The following C2CD5 variants were observed in gnomAD, a reference collection of about 807,000 sequenced individuals.
C2CD5 encodes C2 calcium dependent domain containing 5, also known as C2 domain-containing protein 5.
In C2CD5, 109 loss-of-function variants were observed where a neutral mutation model predicts 130.3. The observed-to-expected ratio is 0.84, with a 90% CI of 0.72 to 0.98. The LOEUF is 0.98. Ranked by LOEUF, C2CD5 falls within the 50% of genes least tolerant of loss-of-function variation. The probability of loss-of-function intolerance (pLI) is 0.00; values close to 1 mark genes in which losing one functional copy is unlikely to be tolerated. For missense variants in C2CD5, 996 were observed against 1,261.8 expected, an observed-to-expected ratio of 0.79 and a Z score of 3.19; for synonymous variants, 454 against 429.2, an observed-to-expected ratio of 1.06 and a Z score of -0.71.
chr12:22,501,057 TTTC>T (rs1379292839), intron 10 of C2CD5, among the ~76,000 whole-genome samples: 11 of 152,212 alleles, frequency 7.2e-5, no homozygotes, highest in Admixed American at 7.2e-4. Flanking sequence ...ATATCAAATT[TTTC>T]TTCAGAATTA....
intron 22 of C2CD5, chr12:22,460,381 G>A (rs1424941954): frequency 1.3e-5 from 2 of 152,040 alleles, no homozygotes; most frequent in African/African-American, 4.8e-5. Flanking sequence ...AGAATAATTC[G>A]GTTGGCTTAG....
rs567168872 is a variant in C2CD5, at chr12:22,544,174, G to C, written c.-24C>G. 6.2e-7 allele frequency: 1 copy of C among 1,610,280 alleles called. No individual in the cohort carries two copies. Among genetic ancestry groups the C allele is most frequent in the South Asian group, 1.1e-5 (1 of 91,000 alleles). On this transcript the variant is annotated 5_prime_UTR_variant, in exon 2 of 27. Transcript: ENST00000446597. Reference sequence around the variant, plus strand: ...ATGGTCTCGGTTTCGGCCTCTTCTTGGGCTCCTGCAGAAACAAACAAACGA... The same window carrying C: ...ATGGTCTCGGTTTCGGCCTCTTCTTCGGCTCCTGCAGAAACAAACAAACGA...
In C2CD5 at chr12:22,458,487, T is replaced by C; in HGVS notation, c.2683A>G (p.Thr895Ala). 1 of 1,249,012 alleles carries C rather than the reference T, an allele frequency of 8.0e-7. No homozygotes were observed. Among genetic ancestry groups the C allele is most frequent in the Non-Finnish European group, 1.0e-6 (1 of 987,878 alleles). The allele number at this position is 1,249,012 out of a possible 1,614,324, so 77.4% of individuals were successfully genotyped here. A position where few individuals can be genotyped will look rare whatever the true frequency, so the allele number is the denominator to read the frequency against. Residue 895 changes from threonine to alanine, a missense_variant, in exon 24 of 27, where the codon ACA becomes GCA. By Grantham distance (58) the Thr-to-Ala change is moderately conservative (BLOSUM62 0). This residue lies in a region of C2CD5 where 590 missense variants were observed against 631.4 expected (regional missense o/e 0.93). Transcript: ENST00000446597. Reference protein sequence around the residue: ...AQTIRRGSIKTTMTVEKASPV... With the variant: ...AQTIRRGSIKATMTVEKASPV... Reference sequence around the variant, plus strand: ...TGTGGTAGAAACATCCGCCTACTTGTCTTAATTGATCCACGCCTTATGGTC... The same window carrying C: ...TGTGGTAGAAACATCCGCCTACTTGCCTTAATTGATCCACGCCTTATGGTC...
chr12:22,530,105 TATATATAC>T lies in C2CD5; in HGVS notation c.178-2221_178-2214del, dbSNP rs1415747870. Among the ~76,000 whole-genome samples the T allele has an allele frequency of 1.1e-3, 131 of 114,546 alleles. 1 individual carries two copies. Among genetic ancestry groups the T allele is most frequent in the African/African-American group, 3.9e-3 (100 of 25,824 alleles). 75.1% of individuals were successfully genotyped at this position (114,546 alleles called of 152,430 possible). ...ATATATATATATATATATATATATA[TATATATAC>T]ACACACACACACACACACACACACA... On this transcript the variant is annotated intron_variant, in intron 3 of 26. Coordinates refer to ENST00000446597, the MANE Select transcript of C2CD5 (RefSeq NM_001286176.2).
Position 22,518,110 on chromosome 12 carries a change from G to A in C2CD5, c.828C>T (p.Pro276=), listed in dbSNP as rs746989518. ...TTGAGGGTCCTGATGAGTGAGTATTGGGATTGGGATCTTCATTGAAGGGAA... is the reference window on the plus strand; with the variant it reads ...TTGAGGGTCCTGATGAGTGAGTATTAGGATTGGGATCTTCATTGAAGGGAA... The part of the protein sequence containing the change: ...KEIPFNEDPN[P]NTHSSGPSTP... Residue 276 remains proline (P), a synonymous_variant, in exon 8 of 27, where the codon CCC becomes CCT. Transcript: ENST00000446597. The A allele has an allele frequency of 6.2e-7, 1 of 1,613,760 alleles. No homozygotes were observed. Among genetic ancestry groups the A allele is most frequent in the South Asian group, 1.1e-5 (1 of 91,074 alleles).
At chr12:22,508,634 A>C (rs1050946419) in intron 9 of C2CD5, among the ~76,000 whole-genome samples, 1 of 152,330 alleles carries the variant, frequency 6.6e-6, no homozygotes, top group African/African-American at 2.4e-5. Context: ...GTATTAAGAA[A>C]GAAGTTGGGA....
intron 10 of C2CD5, among the ~76,000 whole-genome samples, chr12:22,499,478 T>C (rs984883145): frequency 2.6e-5 from 4 of 152,194 alleles, no homozygotes; most frequent in African/African-American, 9.6e-5. Context: ...GAGGATTAAA[T>C]GGTCTACTAT....
chr12:22,475,434 T>TA (rs1339799217), intron 15 of C2CD5, among the ~76,000 whole-genome samples: 1 of 152,166 alleles, frequency 6.6e-6, no homozygotes, highest in Non-Finnish European at 1.5e-5. Flanking sequence ...CATTGGTACT[T>TA]ACAATAATGA....
chr12:22,535,393 T>A (rs1475437400), intron 2 of C2CD5, 49 bp from the exon 3 acceptor site: 3 of 996,988 alleles, frequency 3.0e-6, no homozygotes, highest in Non-Finnish European at 4.7e-6. Flanking sequence ...AAAATGTGAA[T>A]AAAAGTAAAT....
intron 10 of C2CD5, among the ~76,000 whole-genome samples, chr12:22,500,140 C>A (rs577137654): frequency 2.6e-5 from 4 of 151,928 alleles, no homozygotes; most frequent in Non-Finnish European, 4.4e-5. Context: ...GCTGAGATCA[C>A]GCCACTGAAC....
intron 19 of C2CD5, 62 bp from the exon 20 acceptor site, chr12:22,471,550 T>G (rs1288885419): frequency 2.2e-6 from 2 of 921,796 alleles, no homozygotes; most frequent in African/African-American, 1.7e-5. Flanking sequence ...AAAGCTGATT[T>G]TTTTAATGTA....
At chr12:22,458,807 T>C (rs985380798) in intron 23 of C2CD5, 1 of 309,044 alleles carries the variant, frequency 3.2e-6, no homozygotes, top group Non-Finnish European at 5.9e-6. Context: ...TTTCTGGTGA[T>C]GTCATAGTTG....
At chr12:22,506,091 G>A (rs1948495524) in intron 10 of C2CD5, among the ~76,000 whole-genome samples, 1 of 152,088 alleles carries the variant, frequency 6.6e-6, no homozygotes, top group Non-Finnish European at 1.5e-5. Flanking sequence ...GACAGCTCCA[G>A]TAGCCTGCTC....
In C2CD5 at chr12:22,523,613, T is replaced by G; in HGVS notation, c.613A>C (p.Arg205=). The change falls in exon 7 of 27, where the codon AGG becomes CGG. Residue 205 remains arginine (R), a synonymous_variant. Transcript: ENST00000446597. The stretch of plus-strand genomic sequence containing the variant: ...TCAAGTACTTTCAAGCCAATCTTCC[T>G]CTGCAGCTCACCTACAAAACATGGG... The part of the protein sequence containing the change: ...LISLMSGELQ[R]KIGLKVLEMR... 1.9e-6 allele frequency: 3 copies of G among 1,612,864 alleles called. No individual in the cohort carries two copies. The highest frequency in any genetic ancestry group is 1.7e-6 in the Non-Finnish European group (2 of 1,179,576).
chr12:22,536,506 A>T (rs1470306812), intron 2 of C2CD5, among the ~76,000 whole-genome samples: 1 of 152,210 alleles, frequency 6.6e-6, no homozygotes, highest in African/African-American at 2.4e-5. Flanking sequence ...ATTCAGCAGG[A>T]AAGTGACTGA....
chr12:22,515,105 G>A, intron 8 of C2CD5: 1 of 985,140 alleles, frequency 1.0e-6, no homozygotes, highest in South Asian at 4.7e-5. Flanking sequence ...AGAGAGAGAG[G>A]GGGAGCTGGG....
intron 20 of C2CD5, 64 bp from the exon 21 acceptor site, chr12:22,470,975 A>AT: frequency 1.7e-6 from 2 of 1,185,888 alleles, no homozygotes; most frequent in Non-Finnish European, 2.5e-6. Flanking sequence ...TTTCTTACAT[A>AT]TTTTTTTCAG....
intron 11 of C2CD5, among the ~76,000 whole-genome samples, chr12:22,490,717 T>C (rs1946225808): frequency 6.6e-6 from 1 of 152,060 alleles, no homozygotes; most frequent in Non-Finnish European, 1.5e-5. Flanking sequence ...ATACAAAATA[T>C]ACTAAATGAA....
Position 22,477,950 on chromosome 12 carries a change from G to A in C2CD5, c.1902+363C>T, listed in dbSNP as rs981792283. 8.9e-5 allele frequency: 17 copies of A among 190,118 alleles called. No homozygotes were observed. The Middle Eastern group carries it at 9.6e-3, about 107-fold the overall frequency. 11.8% of individuals were successfully genotyped at this position (190,118 alleles called of 1,614,324 possible). A position where few individuals can be genotyped will look rare whatever the true frequency, so the allele number is the denominator to read the frequency against. ...AACTTTTCTAGGCAATAGAAACAAA[G>A]CCCTCATGAAGCTTCATTCTACCAG... On this transcript the variant is annotated intron_variant, in intron 15 of 26. Transcript: ENST00000446597.
Sources: allele counts gnomAD v4.1 joint callset (sites outside exome capture counted in the v4.1 genomes callset), GRCh38; gene constraint gnomAD v4.1.1; regional missense constraint gnomAD v4.1.1; transcripts MANE v1.5; gene names NCBI Gene and HGNC (gene_info 2026-07-23, HGNC 2026-07-21).